SRPK2: variants seen among roughly 807,000 people sequenced by gnomAD.
SRPK2 encodes the protein SFRS protein kinase 2.
SRPK2 carries 21 observed loss-of-function variants against 90.8 expected under a neutral mutation model. The observed-to-expected ratio is 0.23, with a 90% confidence interval of 0.16 to 0.33. SRPK2 has a LOEUF of 0.33. SRPK2 is among the 10% of genes least tolerant of loss of function. The pLI, the probability that SRPK2 is intolerant of heterozygous loss-of-function variation, is 1.00. For synonymous variants in SRPK2, 288 were observed against 311.1 expected (o/e 0.93, Z 0.78); for missense variants, 620 against 869.0 (o/e 0.71, Z 3.60).
intron 2 of SRPK2, among the ~76,000 whole-genome samples, chr7:105,365,570 T>C (rs1818949077): frequency 6.8e-6 from 1 of 147,508 alleles, no homozygotes; most frequent in South Asian, 2.1e-4. Context: ...ATCCCAACAC[T>C]CTGGGAGGTC....
intron 6 of SRPK2, among the ~76,000 whole-genome samples, chr7:105,161,051 G>A (rs562904419): frequency 2.0e-5 from 3 of 151,840 alleles, no homozygotes; most frequent in Admixed American, 6.6e-5. Context: ...TCAGCCTCCC[G>A]AGCAGCTGAA....
At chr7:105,151,057 A>G (rs902899779) in intron 7 of SRPK2, among the ~76,000 whole-genome samples, 1 of 152,218 alleles carries the variant, frequency 6.6e-6, no homozygotes, top group Non-Finnish European at 1.5e-5. Context: ...CCTCATGACA[A>G]GCAAGAAGTG....
chr7:105,397,793 A>C (rs1252184609), intron 1 of SRPK2, among the ~76,000 whole-genome samples: 1 of 151,700 alleles, frequency 6.6e-6, no homozygotes, highest in Non-Finnish European at 1.5e-5. Context: ...ACAGGCACCT[A>C]GCACCATGCC....
intron 2 of SRPK2, among the ~76,000 whole-genome samples, chr7:105,280,607 G>A (rs1410546152): frequency 7.0e-6 from 1 of 143,592 alleles, no homozygotes; most frequent in East Asian, 2.2e-4. Context: ...GTGGTAAAAT[G>A]ATTGTGGGAG....
chr7:105,256,907 T>C (rs1803398316), intron 2 of SRPK2, among the ~76,000 whole-genome samples: 1 of 152,212 alleles, frequency 6.6e-6, no homozygotes, highest in Non-Finnish European at 1.5e-5. Context: ...ATACCACTCA[T>C]CTTTTAAAGT....
chr7:105,166,779 A>G (rs796201010), intron 6 of SRPK2, among the ~76,000 whole-genome samples: 24 of 152,372 alleles, frequency 1.6e-4, no homozygotes, highest in African/African-American at 5.8e-4. Context: ...AATAAAATCA[A>G]GAAAACCAAA....
intron 3 of SRPK2, among the ~76,000 whole-genome samples, chr7:105,197,164 T>C (rs887229206): frequency 1.3e-5 from 2 of 152,070 alleles, no homozygotes; most frequent in African/African-American, 4.8e-5. Flanking sequence ...ACAGTAAATT[T>C]TGTGAGTTAT....
At chr7:105,286,767 T>C (rs1808158922) in intron 2 of SRPK2, among the ~76,000 whole-genome samples, 1 of 152,230 alleles carries the variant, frequency 6.6e-6, no homozygotes, top group Admixed American at 6.5e-5. Context: ...AACACTATTC[T>C]ACTTATTGAT....
At chr7:105,309,402 G>A (rs932529637) in intron 2 of SRPK2, among the ~76,000 whole-genome samples, 1 of 152,154 alleles carries the variant, frequency 6.6e-6, no homozygotes, top group African/African-American at 2.4e-5. Context: ...TCCTAGGATA[G>A]TTATTCAGCT....
At chr7:105,243,630 C>CAAAA (rs767760238) in intron 2 of SRPK2, among the ~76,000 whole-genome samples, 1 of 55,576 alleles carries the variant, frequency 1.8e-5, no homozygotes, top group African/African-American at 4.8e-5. Flanking sequence ...GACTCCATCT[C>CAAAA]AAAAAAAAAA....
At chr7:105,286,749 T>C (rs1394778276) in intron 2 of SRPK2, among the ~76,000 whole-genome samples, 6 of 152,202 alleles carry the variant, frequency 3.9e-5, no homozygotes, top group African/African-American at 1.4e-4. Flanking sequence ...AATTAGTCAA[T>C]CATGCCAAAC....
At chr7:105,232,473 A>AAAAAAAAAAAAAAAAC (rs1799559150) in intron 2 of SRPK2, among the ~76,000 whole-genome samples, 1 of 80,056 alleles carries the variant, frequency 1.2e-5, no homozygotes, top group African/African-American at 4.5e-5. Context: ...AAAAAAAAAA[A>AAAAAAAAAAAAAAAAC]AAAAAAAAAG....
chr7:105,372,002 GCGGGCGC>G (rs1819743426), intron 2 of SRPK2, among the ~76,000 whole-genome samples: 3 of 151,992 alleles, frequency 2.0e-5, no homozygotes, highest in Admixed American at 2.0e-4. Flanking sequence ...AGGCGTGGTG[GCGGGCGC>G]CTGTAGTCCC....
chr7:105,130,903 G>C (rs956771066), intron 13 of SRPK2, among the ~76,000 whole-genome samples: 1 of 152,152 alleles, frequency 6.6e-6, no homozygotes, highest in South Asian at 2.1e-4. Context: ...TCTTGGGAAG[G>C]GGGCAGGTGA....
chr7:105,191,719 G>A (rs987377160), intron 3 of SRPK2, among the ~76,000 whole-genome samples: 28 of 151,812 alleles, frequency 1.8e-4, no homozygotes, highest in Middle Eastern at 3.4e-3. Flanking sequence ...TAATAAAGAC[G>A]GTACCTCCAT....
chr7:105,224,417 C>G (rs1336304499), intron 2 of SRPK2, among the ~76,000 whole-genome samples: 1 of 151,978 alleles, frequency 6.6e-6, no homozygotes, highest in Admixed American at 6.6e-5. Flanking sequence ...CAAGACTAGC[C>G]TGGCTAACAT....
At chr7:105,220,150 A>T (rs2129615395) in intron 2 of SRPK2, among the ~76,000 whole-genome samples, 1 of 152,372 alleles carries the variant, frequency 6.6e-6, no homozygotes. Context: ...ATAGGGAAAA[A>T]TAATGCAGTT....
chr7:105,327,340 T>C (rs571432749), intron 2 of SRPK2, among the ~76,000 whole-genome samples: 2 of 152,382 alleles, frequency 1.3e-5, no homozygotes, highest in East Asian at 1.9e-4. Flanking sequence ...TGTTTATCTA[T>C]GGTCCATGGC....
At chr7:105,351,637 C>T (rs1337573612) in intron 2 of SRPK2, among the ~76,000 whole-genome samples, 3 of 151,766 alleles carry the variant, frequency 2.0e-5, no homozygotes, top group Non-Finnish European at 4.4e-5. Flanking sequence ...ACCCCATCTC[C>T]ACTAAAAATA....
Sources: gnomAD v4.1 joint callset for allele counts (sites outside exome capture counted in the v4.1 genomes callset) on GRCh38, gnomAD v4.1.1 for gene constraint, MANE v1.5 for transcripts, NCBI Gene and HGNC (gene_info 2026-07-23, HGNC 2026-07-21) for gene names.